The following LOXHD1 variants were observed in gnomAD, a reference collection of about 807,000 sequenced individuals.
LOXHD1 encodes the protein lipoxygenase homology domain-containing protein 1.
LOXHD1 carries 205 observed loss-of-function variants against 248.2 expected under a neutral mutation model. The ratio of observed to expected loss-of-function variants is 0.83; its 90% CI spans 0.74 to 0.93. LOXHD1 has a LOEUF of 0.93. LOXHD1 is among the 40% of genes least tolerant of loss of function. The pLI is 0.00. For missense variants in LOXHD1, 2,930 were observed against 2,971.6 expected (o/e 0.99, Z 0.33); for synonymous variants, 1,113 against 1,162.8 (o/e 0.96, Z 0.87).
chr18:46,616,089 T>C (rs1445260403), intron 5 of LOXHD1, among the ~76,000 whole-genome samples: 1 of 152,220 alleles, frequency 6.6e-6, no homozygotes, highest in Non-Finnish European at 1.5e-5. Context: ...ATATACTGTA[T>C]TTAAGCTGGA....
At chr18:46,620,613 G>C (rs2038655148) in intron 4 of LOXHD1, among the ~76,000 whole-genome samples, 1 of 152,210 alleles carries the variant, frequency 6.6e-6, no homozygotes, top group African/African-American at 2.4e-5. Flanking sequence ...GGATGCCCTT[G>C]GGTTGGGGAG....
At chr18:46,639,516 G>T in intron 4 of LOXHD1, 100 bp downstream of exon 4, 1 of 1,356,214 alleles carries the variant, frequency 7.4e-7, no homozygotes, top group Non-Finnish European at 1.0e-6. Flanking sequence ...GCCAAGATGA[G>T]GTAGGTGAGA....
chr18:46,644,455 T>C (rs2039002294), intron 2 of LOXHD1, among the ~76,000 whole-genome samples: 1 of 152,222 alleles, frequency 6.6e-6, no homozygotes, highest in Admixed American at 6.5e-5. Flanking sequence ...TGATGGCTTA[T>C]GCCTATAATC....
At position 46,481,429 on chromosome 18, in the gene LOXHD1, C is replaced by T. The variant is rs929160844; in HGVS notation, c.6341+2158G>A. 1.8e-4 allele frequency among the ~76,000 whole-genome samples: 28 copies of T among 152,246 alleles called. No individual in the cohort carries two copies. The South Asian group carries it at 5.8e-3, about 32-fold the overall frequency. ...CACAGGCTTGAGAACTGCAGGCAGG[C>T]AGGGGTGAGCTAGGGCATGACTTCA... On this transcript the variant is annotated intron_variant, in intron 40 of 40. Transcript: ENST00000642948.
intron 7 of LOXHD1, 38 bp from the exon 8 acceptor site, chr18:46,601,505 G>A (rs1346732614): frequency 8.4e-6 from 13 of 1,551,360 alleles, no homozygotes; most frequent in African/African-American, 1.4e-5. Flanking sequence ...TGTTCAATGT[G>A]AGCTGCATCA....
intron 2 of LOXHD1, among the ~76,000 whole-genome samples, chr18:46,645,049 G>A (rs2039011709): frequency 6.6e-6 from 1 of 152,206 alleles, no homozygotes; most frequent in Non-Finnish European, 1.5e-5. Context: ...ACAAGAAGAG[G>A]AGGAAAGAGT....
intron 21 of LOXHD1, among the ~76,000 whole-genome samples, chr18:46,551,537 A>G (rs925582197): frequency 1.3e-5 from 2 of 152,186 alleles, no homozygotes; most frequent in African/African-American, 4.8e-5. Flanking sequence ...GAGGGAAGGA[A>G]AAACTAGCCT....
Position 46,656,848 on chromosome 18 carries a change from CCCTGCCCACCGCAGCCAGCTGCACCA to C in LOXHD1, c.130+30_130+55del, listed in dbSNP as rs2039188791. The C allele has an allele frequency of 3.3e-6, 5 of 1,536,500 alleles. No individual in the cohort carries two copies. In the Admixed American group the frequency reaches 5.9e-5, roughly 18 times the overall value. On this transcript the variant is annotated intron_variant, in intron 1 of 40. Transcript: ENST00000642948. The stretch of plus-strand genomic sequence containing the variant: ...TGACTCCCCATAGACAGGAACAGAC[CCCTGCCCACCGCAGCCAGCTGCACCA>C]CCCGCCCCCCGCAGGCTGGGACCCC...
chr18:46,522,074 T>C, intron 32 of LOXHD1, 27 bp downstream of exon 32: 1 of 1,487,256 alleles, frequency 6.7e-7, no homozygotes, highest in South Asian at 1.2e-5. Flanking sequence ...GGGTGGTCAC[T>C]ATCATGGGGC....
chr18:46,556,197 T>C (rs551826025), intron 21 of LOXHD1, among the ~76,000 whole-genome samples: 1 of 152,126 alleles, frequency 6.6e-6, no homozygotes, highest in African/African-American at 2.4e-5. Flanking sequence ...AGCAAAGCTG[T>C]TGTTCCAGAG....
At chr18:46,553,825 G>A (rs564308082) in intron 21 of LOXHD1, among the ~76,000 whole-genome samples, 1 of 152,354 alleles carries the variant, frequency 6.6e-6, no homozygotes, top group South Asian at 2.1e-4. Context: ...TGACATTTGA[G>A]CAGAGGCCTG....
intron 12 of LOXHD1, among the ~76,000 whole-genome samples, chr18:46,585,588 C>G (rs1007530557): frequency 2.0e-5 from 3 of 151,940 alleles, no homozygotes; most frequent in African/African-American, 7.3e-5. Flanking sequence ...ATTGGAAGAC[C>G]TAACATTATT....
At chr18:46,640,008 T>C (rs1034108489) in intron 3 of LOXHD1, among the ~76,000 whole-genome samples, 2 of 152,214 alleles carry the variant, frequency 1.3e-5, no homozygotes, top group Admixed American at 1.3e-4. Flanking sequence ...TACACTGTTA[T>C]ATTGCATGCA....
intron 38 of LOXHD1, among the ~76,000 whole-genome samples, chr18:46,485,642 C>T (rs2032990326): frequency 6.6e-6 from 1 of 152,182 alleles, no homozygotes; most frequent in South Asian, 2.1e-4. Context: ...CACAGGTGTG[C>T]ACTCCTCCAA....
intron 5 of LOXHD1, among the ~76,000 whole-genome samples, chr18:46,614,235 T>C (rs2144319262): frequency 6.6e-6 from 1 of 152,280 alleles, no homozygotes; most frequent in Non-Finnish European, 1.5e-5. Context: ...ACCCAAAGGA[T>C]TATAAATCAT....
chr18:46,546,604 T>C (rs1045579069), intron 22 of LOXHD1, among the ~76,000 whole-genome samples: 1 of 151,566 alleles, frequency 6.6e-6, no homozygotes, highest in African/African-American at 2.4e-5. Flanking sequence ...ATTCAGTTCA[T>C]TCCACTCCAT....
At chr18:46,484,037 G>A (rs907134792) in intron 39 of LOXHD1, among the ~76,000 whole-genome samples, 2 of 152,140 alleles carry the variant, frequency 1.3e-5, no homozygotes, top group Non-Finnish European at 2.9e-5. Flanking sequence ...GAGGGAGGAG[G>A]GGAAGGGAAG....
chr18:46,650,267 A>G (rs944801283), intron 1 of LOXHD1, among the ~76,000 whole-genome samples: 5 of 152,220 alleles, frequency 3.3e-5, no homozygotes, highest in African/African-American at 1.2e-4. Context: ...TCTAAGGTAC[A>G]TGTCTGTACC....
intron 24 of LOXHD1, 34 bp downstream of exon 24, chr18:46,542,693 T>G: frequency 6.4e-7 from 1 of 1,550,870 alleles, no homozygotes; most frequent in Non-Finnish European, 8.7e-7. Context: ...GTCCTTAAAG[T>G]CTTAGCAAGG....
Sources: allele counts gnomAD v4.1 joint callset (sites outside exome capture counted in the v4.1 genomes callset), GRCh38; gene constraint gnomAD v4.1.1; transcripts MANE v1.5; gene names NCBI Gene and HGNC (gene_info 2026-07-23, HGNC 2026-07-21).